Variants in NBAS observed in about 807,000 individuals in gnomAD.
NBAS encodes the protein NBAS subunit of NRZ tethering complex.
NBAS carries 219 observed loss-of-function variants against 302.5 expected under a neutral mutation model. That is an observed-to-expected ratio of 0.72 (90% CI 0.65 to 0.81). The LOEUF (loss-of-function observed/expected upper bound fraction) is 0.81, where lower values mean the gene tolerates loss of function less well. Ranked by LOEUF, NBAS falls within the 30% of genes least tolerant of loss-of-function variation. NBAS has a pLI of 0.00. For missense variants in NBAS, 2,932 were observed against 2,841.6 expected, an observed-to-expected ratio of 1.03 and a Z score of -0.72; for synonymous variants, 1,118 against 1,021.6, an observed-to-expected ratio of 1.09 and a Z score of -1.80.
chr2:14,838,524 T>C, the NBAS span, among the ~76,000 whole-genome samples: 1 of 152,068 alleles, frequency 6.6e-6, no homozygotes, highest in Non-Finnish European at 1.5e-5. Context: ...TCTGACAATT[T>C]CAGTGCCAGA....
the NBAS span, among the ~76,000 whole-genome samples, chr2:15,047,485 G>A: frequency 6.6e-6 from 1 of 151,672 alleles, no homozygotes; most frequent in African/African-American, 2.4e-5. Flanking sequence ...CTGGCCTTAT[G>A]CCAGTAAGGG....
intron 38 of NBAS, among the ~76,000 whole-genome samples, chr2:15,320,118 A>G (rs1046837368): frequency 5.3e-5 from 8 of 152,188 alleles, no homozygotes; most frequent in African/African-American, 1.7e-4. Context: ...AACATAATCC[A>G]TCACATAAAC....
At chr2:15,466,285 C>T (rs7589238) in intron 19 of NBAS, among the ~76,000 whole-genome samples, 2 of 151,842 alleles carry the variant, frequency 1.3e-5, no homozygotes, top group Admixed American at 6.6e-5. Context: ...CCAAGAGCTG[C>T]GAGGCACACA....
chr2:15,438,097 G>A (rs1221018768), intron 21 of NBAS, among the ~76,000 whole-genome samples: 4 of 152,296 alleles, frequency 2.6e-5, no homozygotes, highest in South Asian at 2.1e-4. Flanking sequence ...TTTGTTGTTC[G>A]CAGTAATGAA....
the NBAS span, among the ~76,000 whole-genome samples, chr2:14,851,256 C>T: frequency 8.4e-5 from 12 of 142,150 alleles, no homozygotes; most frequent in South Asian, 1.5e-3. Flanking sequence ...ATATCACCAC[C>T]GATCCCACAG....
the NBAS span, among the ~76,000 whole-genome samples, chr2:14,831,891 T>C: frequency 6.6e-6 from 1 of 152,158 alleles, no homozygotes; most frequent in South Asian, 2.1e-4. Flanking sequence ...TCCATAGACA[T>C]TAGACATGAA....
intron 44 of NBAS, among the ~76,000 whole-genome samples, chr2:15,272,645 T>C (rs16862476): frequency 0.01 from 1,597 of 152,342 alleles, 35 homozygotes; most frequent in African/African-American, 0.037. Context: ...CACCTCTCTA[T>C]AATTTACTTG....
At chr2:15,559,079 A>AAAAAAAAAG (rs1664788165) in intron 1 of NBAS, among the ~76,000 whole-genome samples, 1 of 150,360 alleles carries the variant, frequency 6.7e-6, no homozygotes, top group Non-Finnish European at 1.5e-5. Flanking sequence ...AAAAAAAAAA[A>AAAAAAAAAG]AAAAAAAAGT....
the NBAS span, among the ~76,000 whole-genome samples, chr2:14,836,606 C>A: frequency 6.6e-6 from 1 of 151,812 alleles, no homozygotes; most frequent in Non-Finnish European, 1.5e-5. Flanking sequence ...ATATTTTAAC[C>A]AGCTATCTTA....
In NBAS at chr2:15,511,352, T is replaced by G. The variant is rs750678112; in HGVS notation, c.747-2A>C. 1.9e-6 allele frequency: 3 copies of G among 1,613,492 alleles called. No individual in the cohort carries two copies. The highest frequency in any genetic ancestry group is 2.5e-6 in the Non-Finnish European group (3 of 1,179,684). On this transcript the variant is annotated splice_acceptor_variant, in intron 9 of 51. Transcript: ENST00000281513. LOFTEE classifies it high-confidence loss of function. The stretch of plus-strand genomic sequence containing the variant: ...TCACATCCACCAACAAGTAAAAGTC[T>G]AAAAAGGAGAAAATTTTTAAAAATC...
At chr2:14,870,342 G>A in the NBAS span, among the ~76,000 whole-genome samples, 4 of 152,188 alleles carry the variant, frequency 2.6e-5, no homozygotes, top group African/African-American at 9.6e-5. Context: ...TTGGCTGAGT[G>A]TTGATCCAGT....
the NBAS span, among the ~76,000 whole-genome samples, chr2:14,919,365 C>A: frequency 6.6e-6 from 1 of 152,118 alleles, no homozygotes; most frequent in Non-Finnish European, 1.5e-5. Flanking sequence ...TTATGTGAAC[C>A]TGCAGTGTGT....
At chr2:15,520,672 T>C (rs1481287609) in intron 9 of NBAS, among the ~76,000 whole-genome samples, 3 of 152,180 alleles carry the variant, frequency 2.0e-5, no homozygotes, top group Non-Finnish European at 2.9e-5. Context: ...TATAAATCTT[T>C]CTTTATAAAC....
the NBAS span, among the ~76,000 whole-genome samples, chr2:14,890,376 CA>C: frequency 0.038 from 5,782 of 151,658 alleles, 138 homozygotes; most frequent in Non-Finnish European, 0.051. Context: ...AATGGCCTTA[CA>C]AAAAAAATAT....
At chr2:15,533,150 C>T (rs755765422) in intron 9 of NBAS, among the ~76,000 whole-genome samples, 6 of 152,084 alleles carry the variant, frequency 3.9e-5, no homozygotes, top group Non-Finnish European at 8.8e-5. Flanking sequence ...AAACGAGAGA[C>T]ACTTTCATAA....
At chr2:15,156,428 C>T in the NBAS span, among the ~76,000 whole-genome samples, 2 of 152,310 alleles carry the variant, frequency 1.3e-5, no homozygotes, top group South Asian at 2.1e-4. Flanking sequence ...ACAAAGTACA[C>T]GAGGCTAGGT....
At chr2:14,779,213 G>T in the NBAS span, among the ~76,000 whole-genome samples, 5 of 152,186 alleles carry the variant, frequency 3.3e-5, no homozygotes, top group Non-Finnish European at 7.3e-5. Context: ...TCCATGACAA[G>T]ATCACATGTC....
the NBAS span, among the ~76,000 whole-genome samples, chr2:14,926,224 G>C: frequency 6.6e-6 from 1 of 152,102 alleles, no homozygotes; most frequent in Admixed American, 6.5e-5. Flanking sequence ...ACAATTACGG[G>C]AACAGAGATC....
At chr2:15,193,729 G>A (rs778307630) in intron 48 of NBAS, among the ~76,000 whole-genome samples, 15 of 152,070 alleles carry the variant, frequency 9.9e-5, no homozygotes, top group Non-Finnish European at 1.6e-4. Flanking sequence ...TAACAAGTGC[G>A]AATCCAAGAT....
Sources: allele counts gnomAD v4.1 joint callset (sites outside exome capture counted in the v4.1 genomes callset), GRCh38; gene constraint gnomAD v4.1.1; transcripts MANE v1.5; gene names NCBI Gene and HGNC (gene_info 2026-07-23, HGNC 2026-07-21).